NLRP5: variants seen among roughly 807,000 people sequenced by gnomAD.
NLRP5 encodes the protein NLR family pyrin domain containing 5, also known as NACHT, LRR and PYD domains-containing protein 5.
A neutral mutation model predicts 113.1 loss-of-function variants in NLRP5; 93 were observed. The observed-to-expected ratio is 0.82, with a 90% confidence interval of 0.70 to 0.98. The LOEUF is 0.98. Among genes scored for constraint, NLRP5 ranks in the 50% least tolerant of loss-of-function variants. The pLI is 0.00. For missense variants in NLRP5, 1,808 were observed against 1,514.3 expected (o/e 1.19, Z -3.22); for synonymous variants, 751 against 600.7 (o/e 1.25, Z -3.66).
chr19:56,024,092 A>G (rs1439945485), intron 6 of NLRP5, among the ~76,000 whole-genome samples: 1 of 152,158 alleles, frequency 6.6e-6, no homozygotes, highest in African/African-American at 2.4e-5. Context: ...CTAAATGCAT[A>G]AAAGAGTTGA....
chr19:56,012,109 A>G (rs1033745231), intron 3 of NLRP5, among the ~76,000 whole-genome samples: 10 of 151,386 alleles, frequency 6.6e-5, no homozygotes, highest in Admixed American at 4.0e-4. Flanking sequence ...ATATAAATCC[A>G]CCCCCACAAG....
chr19:56,007,904 CGTGTGTGTGTGTGTGTGTGTGTGTGT>C (rs57588214), intron 2 of NLRP5, among the ~76,000 whole-genome samples: 1 of 110,072 alleles, frequency 9.1e-6, no homozygotes, highest in Non-Finnish European at 2.0e-5. Context: ...TGCGCGCGTG[CGTGTGTGTGTGTGTGTGTGTGTGTGT>C]GTGTTTGAAA....
Position 56,015,728 on chromosome 19 carries a change from C to G in NLRP5, c.509-14C>G. The G allele has an allele frequency of 6.4e-7, 1 of 1,557,476 alleles. No homozygotes were observed. Among genetic ancestry groups the G allele is most frequent in the Non-Finnish European group, 8.7e-7 (1 of 1,148,822 alleles). On this transcript the variant is annotated splice_polypyrimidine_tract_variant and intron_variant, in intron 3 of 14. Transcript: ENST00000390649. ...AGTATGTTTGTGTTTATTCTTCTCC[C>G]TTCTCTTTTGCAGGAATTTCACAAG...
At chr19:56,039,043 A>T (rs1983423443) in intron 10 of NLRP5, among the ~76,000 whole-genome samples, 4 of 152,186 alleles carry the variant, frequency 2.6e-5, no homozygotes, top group Admixed American at 2.6e-4. Flanking sequence ...AGCAACCACT[A>T]TTCAATGCTT....
At chr19:56,057,925 G>A (rs1293161272) in intron 13 of NLRP5, among the ~76,000 whole-genome samples, 1 of 151,672 alleles carries the variant, frequency 6.6e-6, no homozygotes, top group Admixed American at 6.6e-5. Flanking sequence ...TACTCCGGAG[G>A]CTAAGGCAGG....
intron 2 of NLRP5, among the ~76,000 whole-genome samples, chr19:56,006,956 G>T (rs968661131): frequency 4.6e-5 from 7 of 151,268 alleles, no homozygotes; most frequent in Non-Finnish European, 8.8e-5. Context: ...AGCCAGGATG[G>T]TCTCGATCTC....
chr19:56,033,871 CTAAA>C (rs1364732831), intron 9 of NLRP5, among the ~76,000 whole-genome samples, 162 bp downstream of exon 9: 1 of 152,124 alleles, frequency 6.6e-6, no homozygotes, highest in African/African-American at 2.4e-5. Context: ...AATTGCACAC[CTAAA>C]TAGTTAAAAT....
chr19:56,032,374 A>T (rs1168956572), intron 7 of NLRP5, among the ~76,000 whole-genome samples: 1 of 149,496 alleles, frequency 6.7e-6, no homozygotes, highest in Non-Finnish European at 1.5e-5. Flanking sequence ...CTGATTCAGG[A>T]GCTGGCGGTT....
chr19:56,024,384 TAAC>T (rs1348399783), intron 6 of NLRP5, among the ~76,000 whole-genome samples: 7 of 132,084 alleles, frequency 5.3e-5, no homozygotes, highest in Admixed American at 3.1e-4. Flanking sequence ...TGTGTATATA[TAAC>T]ATATATACAT....
chr19:56,016,935 A>G (rs1235055564), intron 4 of NLRP5, among the ~76,000 whole-genome samples: 1 of 152,090 alleles, frequency 6.6e-6, no homozygotes, highest in African/African-American at 2.4e-5. Flanking sequence ...CAGCCTCCCA[A>G]GTAGCTGGGA....
At chr19:56,056,758 T>TG (rs1984168494) in intron 13 of NLRP5, among the ~76,000 whole-genome samples, 1 of 152,156 alleles carries the variant, frequency 6.6e-6, no homozygotes, top group Admixed American at 6.5e-5. Context: ...AGAAGCAAAA[T>TG]GAAAAATAAG....
At position 56,041,505 on chromosome 19, in the gene NLRP5, G is replaced by A. The variant is rs534452110; in HGVS notation, c.2957+413G>A. ...CAATGACTTTTACTTGATACACATC[G>A]TTGATTCGTTAACATTGAGCACATG... is the stretch of plus-strand genomic sequence containing the variant. On this transcript the variant is annotated intron_variant, in intron 11 of 14. Coordinates refer to ENST00000390649, the MANE Select transcript of NLRP5 (RefSeq NM_153447.4). Among the ~76,000 whole-genome samples the A allele has an allele frequency of 2.6e-5, 4 of 152,198 alleles. No individual in the cohort carries two copies. The East Asian group carries it at 5.8e-4, about 22-fold the overall frequency.
intron 6 of NLRP5, 70 bp downstream of exon 6, chr19:56,020,501 T>C: frequency 6.7e-7 from 1 of 1,503,680 alleles, no homozygotes; most frequent in Non-Finnish European, 9.2e-7. Flanking sequence ...TGTAAGTAGT[T>C]TAGATTTCAA....
At chr19:56,005,226 T>C (rs953984787) in intron 2 of NLRP5, among the ~76,000 whole-genome samples, 1 of 144,486 alleles carries the variant, frequency 6.9e-6, no homozygotes, top group African/African-American at 2.6e-5. Context: ...CATATACACA[T>C]ATATTTTTAT....
At chr19:56,016,789 G>A (rs921361268) in intron 4 of NLRP5, among the ~76,000 whole-genome samples, 4 of 152,080 alleles carry the variant, frequency 2.6e-5, no homozygotes, top group African/African-American at 9.7e-5. Flanking sequence ...GTATGTTTTA[G>A]AGCTGAATAA....
chr19:56,017,081 A>G (rs1024003341), intron 4 of NLRP5, among the ~76,000 whole-genome samples: 4 of 152,188 alleles, frequency 2.6e-5, no homozygotes, highest in African/African-American at 7.2e-5. Context: ...TGCTGGGATT[A>G]CAGACGTGAG....
chr19:56,000,491 A>G (rs1390115821), intron 1 of NLRP5, among the ~76,000 whole-genome samples: 1 of 151,708 alleles, frequency 6.6e-6, no homozygotes, highest in East Asian at 2.0e-4. Context: ...CAGCCTCCCT[A>G]GTAGCTGGGA....
upstream of NLRP5, among the ~76,000 whole-genome samples, chr19:55,999,212 CTTTTTT>C (rs906346601): frequency 1.2e-4 from 13 of 111,714 alleles, no homozygotes; most frequent in Admixed American, 4.4e-4. Flanking sequence ...TTTTCTTTTT[CTTTTTT>C]TTTTTTTTTT....
chr19:56,005,107 A>AAAAAATATATATATATAT (rs1173746273), intron 2 of NLRP5, among the ~76,000 whole-genome samples: 1 of 95,344 alleles, frequency 1.0e-5, no homozygotes, highest in African/African-American at 3.9e-5. Flanking sequence ...AAAAAAAAAA[A>AAAAAATATATATATATAT]ATATATATAT....
Sources: allele counts gnomAD v4.1 joint callset (sites outside exome capture counted in the v4.1 genomes callset), GRCh38; gene constraint gnomAD v4.1.1; transcripts MANE v1.5; gene names NCBI Gene and HGNC (gene_info 2026-07-23, HGNC 2026-07-21).